SORCS3: variants seen among roughly 807,000 people sequenced by gnomAD.
SORCS3 encodes VPS10 domain-containing receptor SorCS3.
SORCS3 carries 57 observed loss-of-function variants against 146.3 expected under a neutral mutation model. The ratio of observed to expected loss-of-function variants is 0.39; its 90% CI spans 0.31 to 0.49. The LOEUF is 0.49. Among genes scored for constraint, SORCS3 ranks in the 20% least tolerant of loss-of-function variants. The pLI, the probability that SORCS3 is intolerant of heterozygous loss-of-function variation, is 0.92. For synonymous variants in SORCS3, 653 were observed against 618.5 expected (o/e 1.06, Z -0.83); for missense variants, 1,341 against 1,575.5 (o/e 0.85, Z 2.52).
At chr10:104,988,463 T>C (rs1408980554) in intron 4 of SORCS3, among the ~76,000 whole-genome samples, 1 of 152,168 alleles carries the variant, frequency 6.6e-6, no homozygotes, top group Non-Finnish European at 1.5e-5. Flanking sequence ...ATAGGACTAA[T>C]TAATTCTGCC....
At chr10:104,943,877 A>C (rs1446407849) in intron 3 of SORCS3, among the ~76,000 whole-genome samples, 1 of 152,208 alleles carries the variant, frequency 6.6e-6, no homozygotes. Context: ...ATAGGACAGA[A>C]TAAAAGTCCA....
Position 105,042,950 on chromosome 10 carries a change from G to C in SORCS3, c.955-105G>C, listed in dbSNP as rs567277853. 6.1e-4 allele frequency: 524 copies of C among 854,776 alleles called. 3 individuals carry two copies. Among genetic ancestry groups the C allele is most frequent in the Admixed American group, 4.0e-4 (21 of 52,952 alleles). The allele number at this position is 854,776 out of a possible 1,614,324, so 52.9% of individuals were successfully genotyped here. ...ATCTGGATAAAATAAATGCCTACTT[G>C]GGTGTGTTGGGCACTCTGGTGTTGG... is the stretch of plus-strand genomic sequence containing the variant. On this transcript the variant is annotated intron_variant, in intron 4 of 26. Coordinates refer to ENST00000369701, the MANE Select transcript of SORCS3 (RefSeq NM_014978.3).
intron 8 of SORCS3, among the ~76,000 whole-genome samples, chr10:105,143,612 G>C (rs2056110225): frequency 6.6e-6 from 1 of 152,118 alleles, no homozygotes; most frequent in Admixed American, 6.5e-5. Flanking sequence ...AGATACTCTG[G>C]TGAGTATTAG....
chr10:105,150,081 C>T (rs572865613), intron 9 of SORCS3, among the ~76,000 whole-genome samples: 1 of 152,226 alleles, frequency 6.6e-6, no homozygotes, highest in African/African-American at 2.4e-5. Flanking sequence ...ATGAGGAAGG[C>T]AGGAGAGTTA....
At chr10:105,057,463 A>ACTGCTTGAAT (rs1470619142) in intron 5 of SORCS3, among the ~76,000 whole-genome samples, 1 of 152,090 alleles carries the variant, frequency 6.6e-6, no homozygotes, top group African/African-American at 2.4e-5. Flanking sequence ...TAGCGTAGAC[A>ACTGCTTGAAT]CTGCTTGAAT....
At chr10:104,864,826 G>A (rs2018443014) in intron 2 of SORCS3, among the ~76,000 whole-genome samples, 1 of 152,164 alleles carries the variant, frequency 6.6e-6, no homozygotes, top group Non-Finnish European at 1.5e-5. Context: ...AACAAACCAA[G>A]CTTTTCCTGC....
At chr10:104,808,245 T>TCATTTATC (rs1342666159) in intron 1 of SORCS3, among the ~76,000 whole-genome samples, 1 of 152,218 alleles carries the variant, frequency 6.6e-6, no homozygotes, top group African/African-American at 2.4e-5. Context: ...GAGTGGATCT[T>TCATTTATC]CATTTATCCA....
intron 4 of SORCS3, among the ~76,000 whole-genome samples, chr10:105,025,970 C>A (rs1260658413): frequency 6.6e-6 from 1 of 152,060 alleles, no homozygotes; most frequent in Non-Finnish European, 1.5e-5. Context: ...ACACCCCTTT[C>A]TGCGGGCTCA....
chr10:104,647,640 C>T (rs904143933), intron 1 of SORCS3, among the ~76,000 whole-genome samples: 2 of 152,186 alleles, frequency 1.3e-5, no homozygotes, highest in Non-Finnish European at 2.9e-5. Flanking sequence ...CTCAGTAATA[C>T]TGAACTCACC....
At chr10:105,118,314 C>T (rs1003472699) in intron 7 of SORCS3, among the ~76,000 whole-genome samples, 1 of 152,114 alleles carries the variant, frequency 6.6e-6, no homozygotes, top group African/African-American at 2.4e-5. Flanking sequence ...GCCTTTCTTC[C>T]CCTTCTCCTT....
chr10:105,156,551 A>C (rs2056210908), intron 9 of SORCS3, among the ~76,000 whole-genome samples: 1 of 152,210 alleles, frequency 6.6e-6, no homozygotes, highest in South Asian at 2.1e-4. Flanking sequence ...AAAGAAGAGG[A>C]ATAGGGCTTA....
chr10:104,922,319 T>C (rs2019095198), intron 3 of SORCS3, among the ~76,000 whole-genome samples: 1 of 152,214 alleles, frequency 6.6e-6, no homozygotes, highest in Non-Finnish European at 1.5e-5. Context: ...TGTTGAACAA[T>C]CTTTTAAAAA....
intron 20 of SORCS3, among the ~76,000 whole-genome samples, chr10:105,236,802 CTTAAT>C: frequency 6.6e-6 from 1 of 152,152 alleles, no homozygotes; most frequent in East Asian, 1.9e-4. Context: ...GAATGAGTCA[CTTAAT>C]TTGAGTTTGT....
intron 1 of SORCS3, among the ~76,000 whole-genome samples, chr10:104,746,389 G>A (rs959787278): frequency 2.0e-5 from 3 of 152,194 alleles, no homozygotes; most frequent in Non-Finnish European, 1.5e-5. Context: ...GCCCGCCTTG[G>A]CCTCCCAGAG....
intron 2 of SORCS3, among the ~76,000 whole-genome samples, chr10:104,873,703 A>T (rs1478072552): frequency 3.3e-5 from 5 of 152,314 alleles, no homozygotes; most frequent in Non-Finnish European, 7.4e-5. Flanking sequence ...ATTATAAAAT[A>T]TGCAACTAGC....
At chr10:105,255,593 T>C (rs2056926643) in intron 23 of SORCS3, 109 bp from the exon 24 acceptor site, 2 of 707,780 alleles carry the variant, frequency 2.8e-6, no homozygotes, top group East Asian at 2.7e-5. Flanking sequence ...TTATCCCTAA[T>C]TGAACCATGG....
chr10:104,729,848 G>A (rs1204691006), intron 1 of SORCS3, among the ~76,000 whole-genome samples: 2 of 152,198 alleles, frequency 1.3e-5, no homozygotes, highest in African/African-American at 4.8e-5. Context: ...GTGCTGTAGG[G>A]GAAAGCACAT....
intron 1 of SORCS3, among the ~76,000 whole-genome samples, chr10:104,781,848 C>G (rs1284142372): frequency 1.3e-5 from 2 of 152,236 alleles, no homozygotes; most frequent in East Asian, 3.8e-4. Context: ...TCTTCCTGCT[C>G]TTCAGCTCTG....
intron 2 of SORCS3, among the ~76,000 whole-genome samples, chr10:104,866,434 A>G (rs2018459605): frequency 6.6e-6 from 1 of 152,166 alleles, no homozygotes; most frequent in Admixed American, 6.5e-5. Context: ...AGTAACTATT[A>G]TGTTTATACT....
Sources: gnomAD v4.1 joint callset for allele counts (sites outside exome capture counted in the v4.1 genomes callset) on GRCh38, gnomAD v4.1.1 for gene constraint, MANE v1.5 for transcripts, NCBI Gene and HGNC (gene_info 2026-07-23, HGNC 2026-07-21) for gene names.